Variants in OSMR observed in about 807,000 individuals in gnomAD.
OSMR encodes oncostatin M receptor.
In OSMR, 81 loss-of-function variants were observed where a neutral mutation model predicts 99.9. The observed-to-expected ratio is 0.81, with a 90% CI of 0.68 to 0.97. The LOEUF (loss-of-function observed/expected upper bound fraction) is 0.97, where lower values mean the gene tolerates loss of function less well. Ranked by LOEUF, OSMR falls within the 50% of genes least tolerant of loss-of-function variation. The probability of loss-of-function intolerance (pLI) is 0.00; values close to 1 mark genes in which losing one functional copy is unlikely to be tolerated. For synonymous variants in OSMR, 406 were observed against 410.4 expected (o/e 0.99, Z 0.13); for missense variants, 1,099 against 1,153.4 (o/e 0.95, Z 0.68).
intron 1 of OSMR, among the ~76,000 whole-genome samples, chr5:38,868,073 A>G (rs1258771228): frequency 6.6e-6 from 1 of 152,128 alleles, no homozygotes; most frequent in Admixed American, 6.5e-5. Flanking sequence ...AGACTATTGT[A>G]TTTGTTCTCT....
rs751898508 is a variant in OSMR at position 38,924,482 on chromosome 5, G to T, written c.1931G>T (p.Ser644Ile). Reference protein sequence around the residue: ...DTLTSHSFTLSWKDYSTESQP... With the variant: ...DTLTSHSFTLIWKDYSTESQP... The stretch of plus-strand genomic sequence containing the variant: ...TTGACATCCCACTCCTTCACTCTGA[G>T]TTGGAAAGATTACTCTACTGAATCT... The change falls in exon 14 of 18, where the codon AGT (serine) becomes ATT (isoleucine). Residue 644 changes from serine to isoleucine, a missense_variant. Physicochemically the swap from Ser to Ile is moderately radical, Grantham distance 142 (BLOSUM62 -2). Coordinates refer to ENST00000274276, the MANE Select transcript of OSMR (RefSeq NM_003999.3). The T allele has an allele frequency of 6.2e-7, 1 of 1,613,942 alleles. No homozygotes were observed. The highest frequency in any genetic ancestry group is 1.3e-5 in the African/African-American group (1 of 74,928).
chr5:38,915,343 A>G (rs555924628), intron 9 of OSMR, among the ~76,000 whole-genome samples: 1 of 152,362 alleles, frequency 6.6e-6, no homozygotes, highest in South Asian at 2.1e-4. Context: ...GACTGGTAAA[A>G]TACTGATTTG....
At chr5:38,944,254 C>T (rs983250053) in exon 2 of OSMR, 1 of 661,694 alleles carries the variant, frequency 1.5e-6, no homozygotes, top group Non-Finnish European at 2.8e-6. Context: ...ATACTTGCTT[C>T]TACATTCAAT....
chr5:38,848,289 C>A (rs180879466), intron 1 of OSMR, among the ~76,000 whole-genome samples: 1 of 152,210 alleles, frequency 6.6e-6, no homozygotes, highest in African/African-American at 2.4e-5. Context: ...CAAACCAAAA[C>A]AAATAGAATA....
At chr5:38,921,071 T>C (rs1364359000) in intron 11 of OSMR, among the ~76,000 whole-genome samples, 1 of 152,190 alleles carries the variant, frequency 6.6e-6, no homozygotes, top group Non-Finnish European at 1.5e-5. Context: ...AGAATTAGCC[T>C]GCATTAGTTA....
chr5:38,944,468 A>G, intron 2 of OSMR: 1 of 1,610,998 alleles, frequency 6.2e-7, no homozygotes, highest in Non-Finnish European at 8.5e-7. Context: ...GTCTCATGAC[A>G]TTTAGTTGAA....
downstream of OSMR, chr5:38,945,326 G>GT: frequency 1.6e-6 from 1 of 622,736 alleles, no homozygotes; most frequent in Non-Finnish European, 2.8e-6. Flanking sequence ...ACCTGGAACC[G>GT]TGAGAGGATC....
chr5:38,936,688 CAAAT>C (rs199833823), downstream of OSMR, among the ~76,000 whole-genome samples: 1,049 of 152,226 alleles, frequency 6.9e-3, 47 homozygotes, highest in East Asian at 0.12. Context: ...GCTTTCATCT[CAAAT>C]AATTTACAAA....
downstream of OSMR, chr5:38,945,516 T>C (rs1748093412): frequency 1.2e-6 from 2 of 1,613,448 alleles, no homozygotes; most frequent in Non-Finnish European, 8.5e-7. Context: ...TTGCACTCAG[T>C]TGGTTGCTGG....
intron 16 of OSMR, 88 bp downstream of exon 16, chr5:38,932,052 A>C: frequency 1.0e-6 from 1 of 980,312 alleles, no homozygotes; most frequent in Non-Finnish European, 1.6e-6. Context: ...ACATTGAATA[A>C]TATGAAACAA....
intron 1 of OSMR, chr5:38,942,373 A>G: frequency 1.3e-6 from 2 of 1,587,386 alleles, no homozygotes; most frequent in Non-Finnish European, 1.7e-6. Flanking sequence ...CTGCTTCTTC[A>G]TGCATCTAGG....
chr5:38,926,360 A>G (rs1202137433), intron 15 of OSMR, among the ~76,000 whole-genome samples: 1 of 152,192 alleles, frequency 6.6e-6, no homozygotes, highest in Admixed American at 6.5e-5. Flanking sequence ...TTCTCACACT[A>G]CTATAAAGAA....
downstream of OSMR, chr5:38,938,395 T>G: frequency 4.3e-6 from 1 of 230,926 alleles, no homozygotes; most frequent in Non-Finnish European, 8.6e-6. Context: ...CTATAAAATT[T>G]TTTTCACTCC....
intron 1 of OSMR, among the ~76,000 whole-genome samples, chr5:38,865,125 T>A (rs1741839440): frequency 6.6e-6 from 1 of 152,244 alleles, no homozygotes; most frequent in African/African-American, 2.4e-5. Context: ...TTTAATGATA[T>A]CATTCAGATA....
At chr5:38,895,036 A>T (rs1744414414) in intron 7 of OSMR, among the ~76,000 whole-genome samples, 1 of 152,104 alleles carries the variant, frequency 6.6e-6, no homozygotes, top group South Asian at 2.1e-4. Context: ...AAATTAAAAA[A>T]TTCTTGGAAA....
At chr5:38,944,630 C>A (rs1747970025) in intron 2 of OSMR, 1 of 1,399,236 alleles carries the variant, frequency 7.1e-7, no homozygotes, top group South Asian at 1.3e-5. Flanking sequence ...GATTAAAACT[C>A]ATGAAATTTA....
chr5:38,906,400 TA>T (rs1745235967), intron 9 of OSMR, among the ~76,000 whole-genome samples: 1 of 152,208 alleles, frequency 6.6e-6, no homozygotes, highest in African/African-American at 2.4e-5. Context: ...CTCAAATCTT[TA>T]TGTGTATTAT....
At position 38,918,887 on chromosome 5, in the gene OSMR, A is replaced by G. The variant is rs1746077327; in HGVS notation, c.1410A>G (p.Val470=). The change falls in exon 11 of 18, where the codon GTA becomes GTG. Residue 470 remains valine (V), a synonymous_variant. Transcript: ENST00000274276. The stretch of plus-strand genomic sequence containing the variant: ...ATGGAAAGATCCTGTTCTATAATGT[A>G]GTTGTAGAAAACCTAGACAAACCAT... The part of the protein sequence containing the change: ...HANGKILFYN[V]VVENLDKPSS... 6.2e-7 allele frequency: 1 copy of G among 1,613,844 alleles called. No homozygotes were observed. Among genetic ancestry groups the G allele is most frequent in the South Asian group, 1.1e-5 (1 of 91,084 alleles).
intron 7 of OSMR, among the ~76,000 whole-genome samples, chr5:38,888,672 A>G (rs989913531): frequency 3.9e-5 from 6 of 152,064 alleles, no homozygotes; most frequent in African/African-American, 7.2e-5. Flanking sequence ...TAATTGTACT[A>G]TATCATCATT....
Sources: gnomAD v4.1 joint callset for allele counts (sites outside exome capture counted in the v4.1 genomes callset) on GRCh38, gnomAD v4.1.1 for gene constraint, MANE v1.5 for transcripts, NCBI Gene and HGNC (gene_info 2026-07-23, HGNC 2026-07-21) for gene names.